Variants in NRXN3 observed in about 807,000 individuals in gnomAD.
NRXN3 encodes neurexin 3, also known as neurexin III.
In NRXN3, 32 loss-of-function variants were observed where a neutral mutation model predicts 137.6. That is an observed-to-expected ratio of 0.23 (90% CI 0.18 to 0.31). The LOEUF is 0.31. Among genes scored for constraint, NRXN3 ranks in the 10% least tolerant of loss-of-function variants. NRXN3 has a pLI of 1.00. For missense variants in NRXN3, 1,574 were observed against 2,062.5 expected (o/e 0.76, Z 4.59); for synonymous variants, 798 against 784.5 (o/e 1.02, Z -0.29).
chr14:78,831,470 C>T (rs756872085), intron 10 of NRXN3, among the ~76,000 whole-genome samples: 4 of 128,818 alleles, frequency 3.1e-5, no homozygotes, highest in Non-Finnish European at 6.2e-5. Flanking sequence ...AGGAGGCGGA[C>T]GTTGCAGTGA....
At chr14:78,801,944 G>A (rs1245815730) in intron 8 of NRXN3, among the ~76,000 whole-genome samples, 1 of 152,118 alleles carries the variant, frequency 6.6e-6, no homozygotes, top group East Asian at 1.9e-4. Context: ...AGTTACTTGT[G>A]CATTCTGTGT....
intron 15 of NRXN3, among the ~76,000 whole-genome samples, chr14:79,052,270 T>C (rs1014818081): frequency 3.3e-5 from 5 of 152,212 alleles, no homozygotes; most frequent in Admixed American, 2.0e-4. Flanking sequence ...AAAATGTTTC[T>C]AGGGATTCTA....
At chr14:79,822,542 A>G (rs2099275814) in intron 20 of NRXN3, among the ~76,000 whole-genome samples, 1 of 152,188 alleles carries the variant, frequency 6.6e-6, no homozygotes, top group Non-Finnish European at 1.5e-5. Context: ...ATTGAAAACA[A>G]ACATCCGAAA....
chr14:78,932,390 A>T (rs2099324693), intron 10 of NRXN3, among the ~76,000 whole-genome samples: 1 of 152,162 alleles, frequency 6.6e-6, no homozygotes, highest in Non-Finnish European at 1.5e-5. Context: ...TATTTTAGTT[A>T]GTTTGAGTAC....
rs1369316157 is a variant in NRXN3, at chr14:79,530,520, G to C, written c.3444+63118G>C. Among the ~76,000 whole-genome samples, 5 of 151,696 alleles carry C rather than the reference G, an allele frequency of 3.3e-5. No individual in the cohort carries two copies. In the East Asian group the frequency reaches 9.7e-4, roughly 29 times the overall value. Reference sequence around the variant, plus strand: ...ATGTTTTCTGTACCATCTCTATATGGGCAGTTCAGCTTTCTCTCTGTGCTT... The same window carrying C: ...ATGTTTTCTGTACCATCTCTATATGCGCAGTTCAGCTTTCTCTCTGTGCTT... On this transcript the variant is annotated intron_variant, in intron 16 of 20. Transcript: ENST00000335750.
intron 4 of NRXN3, among the ~76,000 whole-genome samples, chr14:78,553,427 C>T (rs1042250088): frequency 2.0e-5 from 3 of 152,180 alleles, no homozygotes; most frequent in Non-Finnish European, 2.9e-5. Context: ...AAGACCCACT[C>T]TTTTCAAGGG....
At chr14:79,518,415 A>G (rs1008351438) in intron 16 of NRXN3, among the ~76,000 whole-genome samples, 2 of 151,998 alleles carry the variant, frequency 1.3e-5, no homozygotes, top group African/African-American at 2.4e-5. Context: ...ATATAATTTC[A>G]TATGTCTCAT....
intron 4 of NRXN3, among the ~76,000 whole-genome samples, chr14:78,313,817 A>G (rs1035938678): frequency 6.6e-6 from 1 of 152,198 alleles, no homozygotes; most frequent in African/African-American, 2.4e-5. Context: ...ACATTATTTT[A>G]CTTTTGGTAA....
At chr14:79,051,805 G>A (rs1307154907) in intron 15 of NRXN3, among the ~76,000 whole-genome samples, 1 of 152,142 alleles carries the variant, frequency 6.6e-6, no homozygotes, top group African/African-American at 2.4e-5. Context: ...CCTGGAAGAG[G>A]GGAAGCAAAT....
At position 78,944,175 on chromosome 14, in the gene NRXN3, AC is replaced by A. The variant is rs919484321; in HGVS notation, c.2276-13065del. 6.6e-5 allele frequency among the ~76,000 whole-genome samples: 10 copies of A among 152,264 alleles called. 1 individual carries two copies. The highest frequency in any genetic ancestry group is 2.6e-4 in the Admixed American group (4 of 15,292). On this transcript the variant is annotated intron_variant, in intron 10 of 20. Transcript: ENST00000335750. ...TCACTTATTTTCTTCTGGTATGCAG[AC>A]CAAAATTATCTGAGAATGATCTTTT...
chr14:78,292,078 C>T (rs889255345), intron 3 of NRXN3, among the ~76,000 whole-genome samples: 5 of 152,066 alleles, frequency 3.3e-5, no homozygotes, highest in African/African-American at 4.8e-5. Flanking sequence ...TGATGGAGGC[C>T]TTCAACTTCT....
chr14:78,737,793 T>C (rs1048266834), intron 8 of NRXN3, among the ~76,000 whole-genome samples: 1 of 152,090 alleles, frequency 6.6e-6, no homozygotes, highest in Non-Finnish European at 1.5e-5. Flanking sequence ...TGGAAGCTGC[T>C]TAGGGGCTGG....
At chr14:78,192,105 T>A (rs34537065) in intron 1 of NRXN3, among the ~76,000 whole-genome samples, 46,307 of 135,456 alleles carry the variant, frequency 0.34, 7,460 homozygotes, top group African/African-American at 0.4. Context: ...TGTGTGTGTG[T>A]GTGAGAGAGA....
intron 16 of NRXN3, among the ~76,000 whole-genome samples, chr14:79,651,787 T>C (rs2098477314): frequency 6.6e-6 from 1 of 152,256 alleles, no homozygotes; most frequent in South Asian, 2.1e-4. Context: ...TCATTGAGCT[T>C]TGGGCTAGGC....
rs571121036 is a variant in NRXN3 at position 79,405,374 on chromosome 14, G to A, written c.3263-61847G>A. On this transcript the variant is annotated intron_variant, in intron 15 of 20. Coordinates refer to ENST00000335750, the MANE Select transcript of NRXN3 (RefSeq NM_001330195.2). ...GTGTGCACTGGGAGAGTGAGAGCAAGGGTAAGATAGTCTGGAGACAGATGG... is the reference window on the plus strand; with the variant it reads ...GTGTGCACTGGGAGAGTGAGAGCAAAGGTAAGATAGTCTGGAGACAGATGG... Among the ~76,000 whole-genome samples, 11 of 152,224 alleles carry A rather than the reference G, an allele frequency of 7.2e-5. 1 individual carries two copies. Among genetic ancestry groups the A allele is most frequent in the Non-Finnish European group, 1.5e-4 (10 of 67,994 alleles).
chr14:79,524,645 C>T (rs1287162029), intron 16 of NRXN3, among the ~76,000 whole-genome samples: 2 of 152,196 alleles, frequency 1.3e-5, no homozygotes, highest in Non-Finnish European at 1.5e-5. Context: ...CTGGATATCA[C>T]TGTAGGGACC....
At chr14:78,668,928 C>T (rs1306195981) in intron 6 of NRXN3, among the ~76,000 whole-genome samples, 1 of 147,796 alleles carries the variant, frequency 6.8e-6, no homozygotes, top group African/African-American at 2.6e-5. Context: ...CTCTATCTAT[C>T]TATCTGTCTG....
intron 19 of NRXN3, among the ~76,000 whole-genome samples, chr14:79,748,917 A>T (rs974193687): frequency 2.0e-5 from 3 of 152,074 alleles, no homozygotes; most frequent in Admixed American, 6.6e-5. Flanking sequence ...TAAAAAAAAA[A>T]AGTCAAGCAG....
At chr14:79,368,819 A>G (rs547710559) in intron 15 of NRXN3, among the ~76,000 whole-genome samples, 1 of 152,196 alleles carries the variant, frequency 6.6e-6, no homozygotes, top group Non-Finnish European at 1.5e-5. Flanking sequence ...GAATATTTCA[A>G]CCATTTGTTC....
Sources: allele counts gnomAD v4.1 joint callset (sites outside exome capture counted in the v4.1 genomes callset), GRCh38; gene constraint gnomAD v4.1.1; transcripts MANE v1.5; gene names NCBI Gene and HGNC (gene_info 2026-07-23, HGNC 2026-07-21).